FNBP1: variants seen among roughly 807,000 people sequenced by gnomAD.
FNBP1 encodes the protein formin-binding protein 1.
In FNBP1, 26 loss-of-function variants were observed where a neutral mutation model predicts 90.6. The observed-to-expected ratio is 0.29, with a 90% CI of 0.21 to 0.40. The LOEUF is 0.40. Among genes scored for constraint, FNBP1 ranks in the 10% least tolerant of loss-of-function variants. The pLI is 1.00. For missense variants in FNBP1, 635 were observed against 768.0 expected (o/e 0.83, Z 2.05); for synonymous variants, 260 against 265.2 (o/e 0.98, Z 0.19).
intron 6 of FNBP1, among the ~76,000 whole-genome samples, chr9:129,947,499 G>A (rs942782661): frequency 2.0e-5 from 3 of 151,940 alleles, no homozygotes; most frequent in Non-Finnish European, 2.9e-5. Context: ...CAGAGTCAAG[G>A]ATCGTGTGAT....
At chr9:129,941,908 T>C (rs2044383898) in intron 6 of FNBP1, among the ~76,000 whole-genome samples, 1 of 151,906 alleles carries the variant, frequency 6.6e-6, no homozygotes, top group African/African-American at 2.4e-5. Context: ...CCATCTCTAC[T>C]AAAAATACAA....
At chr9:130,024,768 T>C (rs1350888812) in intron 1 of FNBP1, among the ~76,000 whole-genome samples, 1 of 152,188 alleles carries the variant, frequency 6.6e-6, no homozygotes, top group Non-Finnish European at 1.5e-5. Flanking sequence ...TTTTGGCAAA[T>C]AAAGCACTTG....
intron 4 of FNBP1, among the ~76,000 whole-genome samples, chr9:129,960,270 C>T (rs949077708): frequency 1.3e-5 from 2 of 150,674 alleles, no homozygotes; most frequent in African/African-American, 2.4e-5. Flanking sequence ...TCAGCTACTC[C>T]GGAGGCTTAG....
At chr9:129,894,309 T>G (rs1212151045) in intron 16 of FNBP1, among the ~76,000 whole-genome samples, 1 of 152,030 alleles carries the variant, frequency 6.6e-6, no homozygotes, top group Non-Finnish European at 1.5e-5. Context: ...AACTTCACTA[T>G]CTCCCCTCCC....
rs1176252800 is a variant in FNBP1, at chr9:129,929,673, C to T, written c.536G>A (p.Arg179His). ...TTTGCTGTCCTCTGCCATTTGGTGA[C>T]GTATTTGAGCTTGTTGTCGGGCCTT... is the stretch of plus-strand genomic sequence containing the variant. ...VEKARQQAQI[R>H]HQMAEDSKAD... Residue 179 changes from arginine to histidine, a missense_variant, in exon 7 of 17, where the codon CGT becomes CAT. By Grantham distance (29) the Arg-to-His change is conservative. Transcript: ENST00000446176. 5.6e-6 allele frequency: 9 copies of T among 1,613,814 alleles called. No homozygotes were observed. The highest frequency in any genetic ancestry group is 1.1e-5 in the South Asian group (1 of 91,092).
intron 4 of FNBP1, among the ~76,000 whole-genome samples, chr9:129,969,014 G>A (rs903564562): frequency 6.6e-6 from 1 of 152,146 alleles, no homozygotes; most frequent in South Asian, 2.1e-4. Context: ...AAGCCCAGAC[G>A]TACTCAAAGG....
intron 1 of FNBP1, among the ~76,000 whole-genome samples, chr9:130,030,100 A>G (rs1204893118): frequency 1.3e-5 from 2 of 152,194 alleles, no homozygotes; most frequent in Non-Finnish European, 1.5e-5. Context: ...ACCTGAATAT[A>G]ATCGCAGGCA....
At chr9:129,961,882 G>A (rs997831696) in intron 4 of FNBP1, among the ~76,000 whole-genome samples, 4 of 152,112 alleles carry the variant, frequency 2.6e-5, no homozygotes, top group South Asian at 2.1e-4. Context: ...CACCGTGCCC[G>A]GCCCCTAAAT....
At chr9:130,000,348 G>T (rs1285818265) in intron 1 of FNBP1, among the ~76,000 whole-genome samples, 1 of 151,920 alleles carries the variant, frequency 6.6e-6, no homozygotes, top group Non-Finnish European at 1.5e-5. Flanking sequence ...AAAATTAGCT[G>T]GGTGTGGTGG....
At chr9:129,922,885 T>A (rs1450475406) in intron 10 of FNBP1, among the ~76,000 whole-genome samples, 3 of 152,132 alleles carry the variant, frequency 2.0e-5, no homozygotes, top group African/African-American at 4.8e-5. Context: ...TATGTTTTTA[T>A]TATTTATTAT....
intron 1 of FNBP1, among the ~76,000 whole-genome samples, chr9:130,007,168 G>C (rs1300777231): frequency 1.4e-5 from 2 of 143,120 alleles, no homozygotes; most frequent in African/African-American, 2.6e-5. Context: ...CTTGAGCCTG[G>C]GAGGTCAAGG....
chr9:130,038,008 A>G (rs489633), intron 1 of FNBP1, among the ~76,000 whole-genome samples: 3 of 152,140 alleles, frequency 2.0e-5, no homozygotes, highest in South Asian at 4.1e-4. Context: ...TATTCAACAG[A>G]TGAATGTATA....
At position 129,916,664 on chromosome 9, in the gene FNBP1, G is replaced by C. The variant is rs1358692361; in HGVS notation, c.1171-684C>G. 5.3e-5 allele frequency among the ~76,000 whole-genome samples: 8 copies of C among 151,590 alleles called. No homozygotes were observed. In the East Asian group the frequency reaches 1.6e-3, roughly 29 times the overall value. On this transcript the variant is annotated intron_variant, in intron 10 of 16. Coordinates refer to ENST00000446176, the MANE Select transcript of FNBP1 (RefSeq NM_015033.3). ...AAAAAATATAATCACACAACCTTTTGTTCTCCAAATTTCCCATGGAAAGTT... is the reference window on the plus strand; with the variant it reads ...AAAAAATATAATCACACAACCTTTTCTTCTCCAAATTTCCCATGGAAAGTT...
At chr9:129,959,805 C>T (rs979777237) in intron 4 of FNBP1, among the ~76,000 whole-genome samples, 5 of 152,014 alleles carry the variant, frequency 3.3e-5, no homozygotes, top group African/African-American at 1.2e-4. Context: ...TAAAAGAAAC[C>T]TGTACCCACT....
chr9:130,025,988 T>C (rs955470845), intron 1 of FNBP1, among the ~76,000 whole-genome samples: 2 of 152,174 alleles, frequency 1.3e-5, no homozygotes, highest in Admixed American at 6.5e-5. Flanking sequence ...AGGTGGATAA[T>C]GATAGCCAAC....
intron 4 of FNBP1, among the ~76,000 whole-genome samples, chr9:129,971,980 C>CAG (rs2049520753): frequency 1.3e-5 from 2 of 152,176 alleles, no homozygotes. Flanking sequence ...GATTCTGCCG[C>CAG]TGTATCAAAT....
chr9:129,904,237 C>T (rs569513914), intron 12 of FNBP1, among the ~76,000 whole-genome samples: 2 of 152,266 alleles, frequency 1.3e-5, no homozygotes, highest in African/African-American at 2.4e-5. Context: ...TTGGTATCCA[C>T]GACAGGTAAG....
chr9:129,915,335 C>A (rs533892212), intron 11 of FNBP1, among the ~76,000 whole-genome samples: 1 of 152,082 alleles, frequency 6.6e-6, no homozygotes, highest in Non-Finnish European at 1.5e-5. Flanking sequence ...AATGATCCAA[C>A]AGACACCCCC....
chr9:129,943,687 T>A (rs186298145), intron 6 of FNBP1, among the ~76,000 whole-genome samples: 151 of 152,222 alleles, frequency 9.9e-4, no homozygotes, highest in Non-Finnish European at 1.9e-3. Context: ...GCGCCCGGCC[T>A]AATTGCTTTT....
Sources: gnomAD v4.1 joint callset for allele counts (sites outside exome capture counted in the v4.1 genomes callset) on GRCh38, gnomAD v4.1.1 for gene constraint, MANE v1.5 for transcripts, NCBI Gene and HGNC (gene_info 2026-07-23, HGNC 2026-07-21) for gene names.